SEPTIN7: variants seen among roughly 807,000 people sequenced by gnomAD.
SEPTIN7 encodes septin-7.
In SEPTIN7, 10 loss-of-function variants were observed where a neutral mutation model predicts 63.3. That is an observed-to-expected ratio of 0.16 (90% confidence interval 0.10 to 0.27). SEPTIN7 has a LOEUF of 0.27. Ranked by LOEUF, SEPTIN7 falls within the 10% of genes least tolerant of loss-of-function variation. The pLI is 1.00. For missense variants in SEPTIN7, 310 were observed against 521.0 expected, an observed-to-expected ratio of 0.59 and a Z score of 3.94; for synonymous variants, 131 against 165.3, an observed-to-expected ratio of 0.79 and a Z score of 1.59.
At chr7:35,815,206 A>G in intron 1 of SEPTIN7, 1 of 425,822 alleles carries the variant, frequency 2.3e-6, no homozygotes, top group Admixed American at 2.8e-5. Context: ...GGAATCAACC[A>G]TTGTCCAAGG....
intron 3 of SEPTIN7, among the ~76,000 whole-genome samples, chr7:35,862,368 TTTG>T (rs1785554343): frequency 6.6e-6 from 1 of 152,160 alleles, no homozygotes; most frequent in Admixed American, 6.6e-5. Context: ...TTAGCATACT[TTTG>T]TTTTTAATTT....
chr7:35,808,832 C>T (rs779106862), intron 1 of SEPTIN7, among the ~76,000 whole-genome samples: 18 of 152,162 alleles, frequency 1.2e-4, no homozygotes, highest in Non-Finnish European at 2.5e-4. Context: ...ATTTGTTTAA[C>T]ATGTCTGCCT....
At chr7:35,862,687 A>AT (rs1785574141) in intron 3 of SEPTIN7, among the ~76,000 whole-genome samples, 1 of 152,322 alleles carries the variant, frequency 6.6e-6, no homozygotes, top group African/African-American at 2.4e-5. Context: ...AGACATAAAA[A>AT]TATTGTGACA....
chr7:35,895,791 C>G (rs1787924377), intron 11 of SEPTIN7, among the ~76,000 whole-genome samples: 1 of 152,036 alleles, frequency 6.6e-6, no homozygotes, highest in South Asian at 2.1e-4. Flanking sequence ...ATTTTAAATA[C>G]TTAAATTTTG....
At chr7:35,838,184 A>G (rs1199615535) in intron 3 of SEPTIN7, among the ~76,000 whole-genome samples, 1 of 150,594 alleles carries the variant, frequency 6.6e-6, no homozygotes, top group African/African-American at 2.4e-5. Context: ...ATTTTTTTCC[A>G]GAATTTTTTG....
chr7:35,801,851 G>T (rs1788003862), intron 1 of SEPTIN7, among the ~76,000 whole-genome samples: 2 of 152,168 alleles, frequency 1.3e-5, no homozygotes, highest in Admixed American at 6.5e-5. Flanking sequence ...GGCGGCGGCG[G>T]CTGCAGCCGC....
At chr7:35,820,939 T>C (rs1765270768) in intron 1 of SEPTIN7, among the ~76,000 whole-genome samples, 1 of 152,226 alleles carries the variant, frequency 6.6e-6, no homozygotes, top group Non-Finnish European at 1.5e-5. Flanking sequence ...TGCCATATGT[T>C]GTCACTGAAA....
intron 1 of SEPTIN7, among the ~76,000 whole-genome samples, chr7:35,817,633 T>C (rs1583498374): frequency 3.3e-5 from 5 of 152,222 alleles, no homozygotes. Context: ...TTGAAGAGTA[T>C]TGTCGTCTTA....
intron 1 of SEPTIN7, among the ~76,000 whole-genome samples, chr7:35,822,255 T>C (rs1292467371): frequency 6.6e-6 from 1 of 151,102 alleles, no homozygotes; most frequent in Non-Finnish European, 1.5e-5. Context: ...AGAGACAGGA[T>C]TTCACCATGT....
chr7:35,842,360 A>AC (rs398004370), intron 3 of SEPTIN7, among the ~76,000 whole-genome samples: 20 of 151,542 alleles, frequency 1.3e-4, no homozygotes, highest in African/African-American at 4.1e-4. Context: ...AAAAAAAAAA[A>AC]CCCTCATTTT....
intron 3 of SEPTIN7, among the ~76,000 whole-genome samples, chr7:35,858,181 G>A (rs1293024615): frequency 6.6e-6 from 1 of 152,098 alleles, no homozygotes; most frequent in African/African-American, 2.4e-5. Flanking sequence ...CTGAGCTGAA[G>A]TGATCCCTCC....
intron 8 of SEPTIN7, 103 bp from the exon 9 acceptor site, chr7:35,883,786 ATT>A (rs35686699): frequency 1.4e-3 from 599 of 418,250 alleles, no homozygotes; most frequent in South Asian, 3.3e-3. Flanking sequence ...TCGAAAGTAA[ATT>A]TTTTTTTTTT....
In SEPTIN7 at chr7:35,903,187, C is replaced by T. The variant is rs1292825433; in HGVS notation, c.1246C>T (p.Arg416Cys). ...GAAAGCAAACTGGGAAGCTCAACAACGTATTTTAGAACAACAGAACTCTTC... is the reference window on the plus strand; with the variant it reads ...GAAAGCAAACTGGGAAGCTCAACAATGTATTTTAGAACAACAGAACTCTTC... ...DEKANWEAQQRILEQQNSSRT... is the reference protein window; with the variant it reads ...DEKANWEAQQCILEQQNSSRT... The change falls in exon 13 of 14, where the codon CGT becomes TGT. Residue 416 changes from arginine (R) to cysteine (C), a missense_variant. Physicochemically the swap from Arg to Cys is radical, Grantham distance 180. Coordinates refer to ENST00000350320, the MANE Select transcript of SEPTIN7 (RefSeq NM_001788.6). 8.1e-6 allele frequency: 13 copies of T among 1,599,184 alleles called. No individual in the cohort carries two copies. Among genetic ancestry groups the T allele is most frequent in the Non-Finnish European group, 9.4e-6 (11 of 1,174,170 alleles).
intron 13 of SEPTIN7, among the ~76,000 whole-genome samples, chr7:35,903,755 G>T (rs1391995321): frequency 1.3e-5 from 2 of 152,096 alleles, no homozygotes; most frequent in Non-Finnish European, 2.9e-5. Context: ...ACTTAAAACT[G>T]AAAAGTGGCA....
chr7:35,914,481 G>A, the SEPTIN7 span, among the ~76,000 whole-genome samples: 14 of 152,210 alleles, frequency 9.2e-5, no homozygotes, highest in East Asian at 2.7e-3. Flanking sequence ...TTATGCCTCC[G>A]GGCTTTCTTT....
intron 10 of SEPTIN7, among the ~76,000 whole-genome samples, chr7:35,886,759 A>T: frequency 6.6e-6 from 1 of 152,206 alleles, no homozygotes; most frequent in East Asian, 1.9e-4. Flanking sequence ...TGTGTAAAGA[A>T]AGGTAGTTAC....
chr7:35,876,675 A>G (rs1037688306), intron 6 of SEPTIN7, among the ~76,000 whole-genome samples: 5 of 152,166 alleles, frequency 3.3e-5, no homozygotes, highest in Non-Finnish European at 7.4e-5. Flanking sequence ...AAAAAATTAA[A>G]AAGTTAGTTG....
intron 3 of SEPTIN7, among the ~76,000 whole-genome samples, chr7:35,860,375 A>G (rs1785440912): frequency 6.6e-6 from 1 of 152,182 alleles, no homozygotes; most frequent in Non-Finnish European, 1.5e-5. Flanking sequence ...TATAAGGTGA[A>G]CTTGCAAACC....
intron 4 of SEPTIN7, among the ~76,000 whole-genome samples, chr7:35,866,128 T>C (rs1785794382): frequency 6.6e-6 from 1 of 152,234 alleles, no homozygotes; most frequent in Non-Finnish European, 1.5e-5. Context: ...ACTAGAATCC[T>C]GTAGAAGTCC....
Sources: gnomAD v4.1 joint callset for allele counts (sites outside exome capture counted in the v4.1 genomes callset) on GRCh38, gnomAD v4.1.1 for gene constraint, MANE v1.5 for transcripts, NCBI Gene and HGNC (gene_info 2026-07-23, HGNC 2026-07-21) for gene names.